RPA1: variants seen among roughly 807,000 people sequenced by gnomAD.
RPA1 encodes the protein replication protein A 70 kDa DNA-binding subunit.
In RPA1, 49 loss-of-function variants were observed where a neutral mutation model predicts 83.0. The observed-to-expected ratio is 0.59, with a 90% confidence interval of 0.47 to 0.75. RPA1 has a LOEUF of 0.75. Ranked by LOEUF, RPA1 falls within the 30% of genes least tolerant of loss-of-function variation. RPA1 has a pLI of 0.00. For synonymous variants in RPA1, 279 were observed against 281.8 expected (o/e 0.99, Z 0.10); for missense variants, 693 against 776.1 (o/e 0.89, Z 1.27).
chr17:1,837,888 G>GT lies in RPA1; in HGVS notation c.34-4907dup, dbSNP rs202137189. 6.1e-3 allele frequency among the ~76,000 whole-genome samples: 917 copies of GT among 151,334 alleles called. 11 individuals are homozygous for GT. The highest frequency in any genetic ancestry group is 0.021 in the African/African-American group (873 of 41,260). ...CTTGCCTTTTCTTTTTTGAAATTTT[G>GT]TTTTTTTTGAAGTGCACTTTTAAAT... On this transcript the variant is annotated intron_variant, in intron 1 of 16. Transcript: ENST00000254719.
intron 5 of RPA1, among the ~76,000 whole-genome samples, chr17:1,856,633 T>C (rs970407230): frequency 2.0e-5 from 3 of 151,218 alleles, no homozygotes; most frequent in African/African-American, 7.3e-5. Flanking sequence ...ATATAGTTTT[T>C]ATTTATTTAT....
Position 1,895,071 on chromosome 17 carries a change from C to A in RPA1, c.1722C>A (p.Val574=). The A allele has an allele frequency of 1.2e-6, 2 of 1,613,514 alleles. No homozygotes were observed. Among genetic ancestry groups the A allele is most frequent in the South Asian group, 2.2e-5 (2 of 90,992 alleles). Residue 574 remains valine (V), a synonymous_variant, in exon 16 of 17, where the codon GTC becomes GTA. Transcript: ENST00000254719. ...ACTTCCGATCTTTCATATTCAGAGT[C>A]AGGGTCAAAGTGGAGACCTACAACG... is the stretch of plus-strand genomic sequence containing the variant. The part of the protein sequence containing the change: ...NANFRSFIFR[V]RVKVETYNDE...
chr17:1,879,101 G>A (rs749058029), intron 9 of RPA1, 40 bp downstream of exon 9: 19 of 1,612,660 alleles, frequency 1.2e-5, no homozygotes, highest in Admixed American at 1.7e-5. Flanking sequence ...CCGCCTGGGG[G>A]TGGAGTGCGG....
intron 4 of RPA1, among the ~76,000 whole-genome samples, chr17:1,849,484 G>A (rs577941292): frequency 2.6e-5 from 4 of 151,732 alleles, no homozygotes; most frequent in Admixed American, 2.6e-4. Flanking sequence ...AGTATAGACG[G>A]GGTTTCACTG....
chr17:1,838,603 CAAAAA>C (rs60835355), intron 1 of RPA1, among the ~76,000 whole-genome samples: 1 of 110,782 alleles, frequency 9.0e-6, no homozygotes, highest in Non-Finnish European at 2.0e-5. Context: ...AACTCAGTCT[CAAAAA>C]AAAAAAAAAA....
At chr17:1,848,453 A>G (rs999796158) in intron 4 of RPA1, among the ~76,000 whole-genome samples, 1 of 151,740 alleles carries the variant, frequency 6.6e-6, no homozygotes, top group Admixed American at 6.6e-5. Flanking sequence ...TCTACTAAAA[A>G]TACAAAAATC....
At position 1,877,138 on chromosome 17, in the gene RPA1, G is replaced by T. The variant is rs1374509649; in HGVS notation, c.588-74G>T. 8.0e-6 allele frequency: 11 copies of T among 1,378,346 alleles called. No homozygotes were observed. The Admixed American group carries it at 1.4e-4, about 18-fold the overall frequency. The allele number at this position is 1,378,346 out of a possible 1,614,324, so 85.4% of individuals were successfully genotyped here. On this transcript the variant is annotated intron_variant, in intron 7 of 16. Transcript: ENST00000254719. ...GAATATGCGTAAGACGAGAAAGGCT[G>T]TAGGAAGATGATTTCTTACTTGATC...
intron 1 of RPA1, among the ~76,000 whole-genome samples, chr17:1,842,163 G>A (rs1235374519): frequency 2.0e-5 from 3 of 149,978 alleles, no homozygotes; most frequent in Non-Finnish European, 4.5e-5. Context: ...GGTGGTCTTT[G>A]TTTTTTTTTC....
At position 1,883,639 on chromosome 17, in the gene RPA1, TA is replaced by T. The variant is rs1375757793; in HGVS notation, c.1242-167del. On this transcript the variant is annotated intron_variant, in intron 12 of 16. Transcript: ENST00000254719. ...ACAATTTTTTTTAATTTAAATATTA[TA>T]AAAAATATATAATTACGAAGATACC... Among the ~76,000 whole-genome samples the T allele has an allele frequency of 1.3e-5, 2 of 151,906 alleles. 1 individual carries two copies. The highest frequency in any genetic ancestry group is 2.9e-5 in the Non-Finnish European group (2 of 68,000).
chr17:1,876,502 C>A (rs992676396), intron 7 of RPA1, among the ~76,000 whole-genome samples: 29 of 152,156 alleles, frequency 1.9e-4, no homozygotes, highest in African/African-American at 6.5e-4. Flanking sequence ...TTGCAGTGAG[C>A]CAAGATTGTG....
chr17:1,833,160 C>T (rs899203270), intron 1 of RPA1, among the ~76,000 whole-genome samples: 9 of 151,978 alleles, frequency 5.9e-5, no homozygotes, highest in African/African-American at 1.9e-4. Flanking sequence ...CTCCTGGCCT[C>T]GAGATCCACC....
intron 1 of RPA1, among the ~76,000 whole-genome samples, chr17:1,840,414 A>G (rs947370544): frequency 2.8e-4 from 42 of 151,970 alleles, no homozygotes; most frequent in South Asian, 8.3e-4. Context: ...AGCCTCCCAA[A>G]TAGCTGGGAC....
intron 4 of RPA1, among the ~76,000 whole-genome samples, chr17:1,849,437 T>C (rs956241595): frequency 2.0e-5 from 3 of 151,718 alleles, no homozygotes; most frequent in Non-Finnish European, 4.4e-5. Context: ...GGACTACAGG[T>C]GCCCACCGCC....
In RPA1 at chr17:1,859,810, T is replaced by TTTTA. The variant is rs200549693; in HGVS notation, c.361+6637_361+6640dup. Among the ~76,000 whole-genome samples, 7 of 152,046 alleles carry TTTTA rather than the reference T, an allele frequency of 4.6e-5. No homozygotes were observed. The East Asian group carries it at 1.4e-3, about 29-fold the overall frequency. Reference sequence around the variant, plus strand: ...CACGCCCAGCTAATTTTATTTTGTTTTTTATTTATTTATTTATTTTTGAGA... The same window carrying TTTTA: ...CACGCCCAGCTAATTTTATTTTGTTTTTTATTTATTTATTTATTTATTTTTGAGA... On this transcript the variant is annotated intron_variant, in intron 5 of 16. Transcript: ENST00000254719.
chr17:1,894,916 G>T (rs1352646571), intron 15 of RPA1, 93 bp from the exon 16 acceptor site: 3 of 931,134 alleles, frequency 3.2e-6, no homozygotes, highest in South Asian at 3.0e-5. Flanking sequence ...CTACCCAGGA[G>T]ATGCATTTTC....
Position 1,879,696 on chromosome 17 carries a change from A to G in RPA1, c.1089A>G (p.Glu363=). 1.2e-6 allele frequency: 2 copies of G among 1,614,190 alleles called. No individual in the cohort carries two copies. The highest frequency in any genetic ancestry group is 1.7e-6 in the Non-Finnish European group (2 of 1,180,030). ...GKVVTATLWG[E]DADKFDGSRQ... ...TGGTGACTGCTACACTGTGGGGGGA[A>G]GATGTAAGTGCTGGGATGGGGTCTT... Residue 363 remains glutamate (E), a synonymous_variant, in exon 11 of 17, where the codon GAA becomes GAG. Coordinates refer to ENST00000254719, the MANE Select transcript of RPA1 (RefSeq NM_002945.5).
chr17:1,872,471 A>C lies in RPA1; in HGVS notation c.399A>C (p.Ala133=), dbSNP rs938028481. 7 of 1,614,014 alleles carry C rather than the reference A, an allele frequency of 4.3e-6. No individual in the cohort carries two copies. The highest frequency in any genetic ancestry group is 5.1e-6 in the Non-Finnish European group (6 of 1,179,978). ...CGCAAGTAGCTCCTCCAGCGCCAGC[A>C]GCCAGCCCAGCAGCAAGCAGCAGGC... ...GQPQVAPPAP[A]ASPAASSRPQ... Residue 133 remains alanine (A), a synonymous_variant, in exon 6 of 17, where the codon GCA becomes GCC. Coordinates refer to ENST00000254719, the MANE Select transcript of RPA1 (RefSeq NM_002945.5).
rs536278496 is a variant in RPA1, at chr17:1,860,175, C to T, written c.361+6986C>T. On this transcript the variant is annotated intron_variant, in intron 5 of 16. Transcript: ENST00000254719. ...CCCACACTGGTCTTGAATTCCTGGCCTCCAGCAATCCTCCTGCCTCAGCCT... is the reference window on the plus strand; with the variant it reads ...CCCACACTGGTCTTGAATTCCTGGCTTCCAGCAATCCTCCTGCCTCAGCCT... 2.6e-5 allele frequency among the ~76,000 whole-genome samples: 4 copies of T among 152,044 alleles called. No homozygotes were observed. The South Asian group carries it at 6.2e-4, about 24-fold the overall frequency.
Position 1,858,172 on chromosome 17 carries a change from T to C in RPA1, c.361+4983T>C, listed in dbSNP as rs1324996701. Reference sequence around the variant, plus strand: ...GTGTCGGATCCCATTCCAGGTATGATACATGAGAGGGAAGACGAGTGCAAA... The same window carrying C: ...GTGTCGGATCCCATTCCAGGTATGACACATGAGAGGGAAGACGAGTGCAAA... On this transcript the variant is annotated intron_variant, in intron 5 of 16. Transcript: ENST00000254719. 4 of 1,613,870 alleles carry C rather than the reference T, an allele frequency of 2.5e-6. No individual in the cohort carries two copies. The African/African-American group carries it at 4.0e-5, about 16-fold the overall frequency.
Sources: gnomAD v4.1 joint callset for allele counts (sites outside exome capture counted in the v4.1 genomes callset) on GRCh38, gnomAD v4.1.1 for gene constraint, MANE v1.5 for transcripts, NCBI Gene and HGNC (gene_info 2026-07-23, HGNC 2026-07-21) for gene names.